The following TTC27 variants were observed in gnomAD, a reference collection of about 807,000 sequenced individuals.
TTC27 encodes the protein tetratricopeptide repeat domain 27, also known as tetratricopeptide repeat protein 27.
A neutral mutation model predicts 115.9 loss-of-function variants in TTC27; 79 were observed. The observed-to-expected ratio is 0.68, with a 90% CI of 0.57 to 0.82. The LOEUF is 0.82. TTC27 is among the 40% of genes least tolerant of loss of function. TTC27 has a pLI of 0.00. For missense variants in TTC27, 1,054 were observed against 993.1 expected, an observed-to-expected ratio of 1.06 and a Z score of -0.82; for synonymous variants, 401 against 356.0, an observed-to-expected ratio of 1.13 and a Z score of -1.42.
At chr2:32,793,703 A>C (rs1254265592) in intron 16 of TTC27, among the ~76,000 whole-genome samples, 8 of 152,016 alleles carry the variant, frequency 5.3e-5, no homozygotes, top group Admixed American at 3.9e-4. Flanking sequence ...TTGTATTTTT[A>C]GTAGAGACGG....
intron 18 of TTC27, 48 bp downstream of exon 18, chr2:32,812,663 C>T: frequency 7.2e-7 from 1 of 1,395,440 alleles, no homozygotes; most frequent in Non-Finnish European, 1.0e-6. Flanking sequence ...GACTTATTTT[C>T]TACTGACAGA....
At chr2:32,637,723 G>C (rs1347060080) in intron 3 of TTC27, among the ~76,000 whole-genome samples, 3 of 152,080 alleles carry the variant, frequency 2.0e-5, no homozygotes, top group Admixed American at 2.0e-4. Flanking sequence ...ATATCTACTT[G>C]AATTTACAAC....
At chr2:32,679,364 G>C (rs1666339455) in intron 9 of TTC27, among the ~76,000 whole-genome samples, 1 of 152,202 alleles carries the variant, frequency 6.6e-6, no homozygotes, top group Admixed American at 6.5e-5. Flanking sequence ...AGGGAATATG[G>C]TGTAAGGAAA....
intron 16 of TTC27, among the ~76,000 whole-genome samples, chr2:32,803,388 G>A (rs1352470309): frequency 6.6e-6 from 1 of 152,200 alleles, no homozygotes; most frequent in Non-Finnish European, 1.5e-5. Context: ...GTCTCTCCAT[G>A]CTGATGGTAA....
At chr2:32,710,634 G>A (rs1011500661) in intron 10 of TTC27, among the ~76,000 whole-genome samples, 107 of 151,576 alleles carry the variant, frequency 7.1e-4, no homozygotes, top group Admixed American at 7.2e-4. Context: ...TCACCATGTT[G>A]GCCAGGCTGG....
rs71446086 is a variant in TTC27 at position 32,767,616 on chromosome 2, C to T, written c.1680+9097C>T. Reference sequence around the variant, plus strand: ...AGCTGGGACTACAGGCGCCCGCCACCGCGCCCGGCTAATTTTTTGTATTTT... The same window carrying T: ...AGCTGGGACTACAGGCGCCCGCCACTGCGCCCGGCTAATTTTTTGTATTTT... On this transcript the variant is annotated intron_variant, in intron 13 of 19. Coordinates refer to ENST00000317907, the MANE Select transcript of TTC27 (RefSeq NM_017735.5). Among the ~76,000 whole-genome samples, 1,012 of 151,336 alleles carry T rather than the reference C, an allele frequency of 6.7e-3. 9 individuals carry two copies. Among genetic ancestry groups the T allele is most frequent in the Non-Finnish European group, 9.6e-3 (652 of 67,776 alleles).
At chr2:32,746,479 C>T (rs1437844071) in intron 12 of TTC27, among the ~76,000 whole-genome samples, 2 of 144,400 alleles carry the variant, frequency 1.4e-5, no homozygotes, top group Non-Finnish European at 3.0e-5. Context: ...AGGAGAATTG[C>T]TTGAACCTGG....
intron 12 of TTC27, among the ~76,000 whole-genome samples, chr2:32,744,613 C>G (rs561349955): frequency 1.3e-5 from 2 of 152,290 alleles, no homozygotes; most frequent in African/African-American, 4.8e-5. Context: ...AGAAGATAAA[C>G]AGTTTAGGGC....
At chr2:32,655,298 T>A (rs1056604869) in intron 5 of TTC27, among the ~76,000 whole-genome samples, 4 of 152,054 alleles carry the variant, frequency 2.6e-5, no homozygotes, top group African/African-American at 9.7e-5. Flanking sequence ...CCCGCCTGGC[T>A]ATTTTTTAAA....
intron 13 of TTC27, among the ~76,000 whole-genome samples, chr2:32,777,548 G>GT (rs202134572): frequency 1.3e-3 from 199 of 151,528 alleles, no homozygotes; most frequent in African/African-American, 4.5e-3. Flanking sequence ...CAACCATCCA[G>GT]TTTTTTTTTC....
rs376432811 is a variant in TTC27 at position 32,758,454 on chromosome 2, C to T, written c.1615C>T (p.Arg539Trp). 11 of 1,614,062 alleles carry T rather than the reference C, an allele frequency of 6.8e-6. No individual in the cohort carries two copies. Among genetic ancestry groups the T allele is most frequent in the African/African-American group, 6.7e-5 (5 of 74,926 alleles). ...AQRSKALLHLRNKEFQECVEC... is the reference protein window; with the variant it reads ...AQRSKALLHLWNKEFQECVEC... ...GCGCTCCAAAGCCCTCCTTCATCTT[C>T]GGAACAAGGAGTTTCAAGAGTGTGT... The change falls in exon 13 of 20, where the codon CGG (arginine) becomes TGG (tryptophan). Residue 539 changes from arginine to tryptophan, a missense_variant. By Grantham distance (101) the Arg-to-Trp change is moderately radical. Coordinates refer to ENST00000317907, the MANE Select transcript of TTC27 (RefSeq NM_017735.5).
At chr2:32,642,128 A>T (rs1664674456) in intron 4 of TTC27, among the ~76,000 whole-genome samples, 1 of 152,032 alleles carries the variant, frequency 6.6e-6, no homozygotes, top group African/African-American at 2.4e-5. Context: ...AAGTGCTGGG[A>T]TTACAGGTGT....
chr2:32,730,323 A>G (rs1235031975), intron 10 of TTC27, among the ~76,000 whole-genome samples: 2 of 152,352 alleles, frequency 1.3e-5, no homozygotes, highest in Non-Finnish European at 2.9e-5. Context: ...GAAAAATGCC[A>G]TTGTAGTTAA....
chr2:32,786,985 G>A lies in TTC27; in HGVS notation c.1834G>A (p.Val612Ile), dbSNP rs147406267. The change falls in exon 16 of 20, where the codon GTA becomes ATA. Residue 612 changes from valine (V) to isoleucine (I), a missense_variant and splice_region_variant. Transcript: ENST00000317907. ...STSYIRLKQK[V>I]KAFRTLQEAL... is the part of the protein sequence containing the mutation. The stretch of plus-strand genomic sequence containing the variant: ...TCTTTAAAATTTGACCTTCAATAGA[G>A]TAAAAGCTTTTAGAACTTTACAAGA... The A allele has an allele frequency of 1.5e-4, 247 of 1,607,228 alleles. No individual in the cohort carries two copies. The African/African-American group carries it at 2.5e-3, about 16-fold the overall frequency.
chr2:32,734,737 A>G (rs887437547), intron 11 of TTC27, among the ~76,000 whole-genome samples: 6 of 152,158 alleles, frequency 3.9e-5, no homozygotes, highest in Admixed American at 3.3e-4. Flanking sequence ...TGATCACCCA[A>G]TCTACATGAA....
At chr2:32,663,974 C>G (rs988798576) in intron 5 of TTC27, among the ~76,000 whole-genome samples, 6 of 150,150 alleles carry the variant, frequency 4.0e-5, no homozygotes, top group Admixed American at 3.3e-4. Flanking sequence ...TGAGCCACTG[C>G]GCCCGTCCCC....
At chr2:32,730,621 A>ATTTT (rs10712292) in intron 10 of TTC27, among the ~76,000 whole-genome samples, 6 of 137,832 alleles carry the variant, frequency 4.4e-5, no homozygotes, top group Non-Finnish European at 6.2e-5. Flanking sequence ...AGACTTTCTT[A>ATTTT]TTTTTTTTTT....
At chr2:32,742,993 T>C (rs3769584) in intron 12 of TTC27, among the ~76,000 whole-genome samples, 124,196 of 152,028 alleles carry the variant, frequency 0.82, 50,824 homozygotes, top group Middle Eastern at 0.91. Context: ...TTCTCCATTC[T>C]CTTGGAGCAA....
intron 16 of TTC27, among the ~76,000 whole-genome samples, chr2:32,793,452 T>C (rs1352000911): frequency 6.6e-6 from 1 of 152,128 alleles, no homozygotes; most frequent in Non-Finnish European, 1.5e-5. Flanking sequence ...CAACGCTGGA[T>C]AAAGAAATAA....
Sources: allele counts gnomAD v4.1 joint callset (sites outside exome capture counted in the v4.1 genomes callset), GRCh38; gene constraint gnomAD v4.1.1; transcripts MANE v1.5; gene names NCBI Gene and HGNC (gene_info 2026-07-23, HGNC 2026-07-21).